EFCAB6: variants seen among roughly 807,000 people sequenced by gnomAD.
EFCAB6 encodes EF-hand calcium-binding domain-containing protein 6.
A neutral mutation model predicts 169.8 loss-of-function variants in EFCAB6; 156 were observed. The observed-to-expected ratio is 0.92, with a 90% CI of 0.81 to 1.05. EFCAB6 has a LOEUF of 1.05. Among genes scored for constraint, EFCAB6 ranks in the 50% least tolerant of loss-of-function variants. EFCAB6 has a pLI of 0.00. For missense variants in EFCAB6, 1,800 were observed against 1,829.1 expected (o/e 0.98, Z 0.29); for synonymous variants, 698 against 676.4 (o/e 1.03, Z -0.50).
At chr22:43,692,124 G>A (rs1285381534) in intron 10 of EFCAB6, among the ~76,000 whole-genome samples, 1 of 152,126 alleles carries the variant, frequency 6.6e-6, no homozygotes, top group Non-Finnish European at 1.5e-5. Context: ...ATTCTTACTG[G>A]CTCCTGAACC....
intron 26 of EFCAB6, 128 bp from the exon 27 acceptor site, chr22:43,555,224 A>G: frequency 1.0e-6 from 1 of 965,768 alleles, no homozygotes; most frequent in South Asian, 1.6e-5. Flanking sequence ...GAAGACAGCT[A>G]CAGCCTGGAG....
Position 43,703,152 on chromosome 22 carries a change from A to C in EFCAB6, c.1031+8323T>G, listed in dbSNP as rs562918561. ...GCAGTACCACATGGCCAGGAAATCT[A>C]CTCTGTGGCCCAGCCCAATATAAGG... On this transcript the variant is annotated intron_variant, in intron 10 of 31. Coordinates refer to ENST00000262726, the MANE Select transcript of EFCAB6 (RefSeq NM_022785.4). Among the ~76,000 whole-genome samples, 6 of 151,934 alleles carry C rather than the reference A, an allele frequency of 3.9e-5. No individual in the cohort carries two copies. The South Asian group carries it at 1.2e-3, about 32-fold the overall frequency.
chr22:43,782,281 G>A lies in EFCAB6; in HGVS notation c.38C>T (p.Ser13Leu), dbSNP rs200223719. The A allele has an allele frequency of 3.6e-5, 58 of 1,614,036 alleles. No individual in the cohort carries two copies. Among genetic ancestry groups the A allele is most frequent in the African/African-American group, 2.5e-4 (19 of 75,038 alleles). ...KMAIIPDWLR[S>L]HPHTRKFTHS... ...TGTAAATTTTCGTGTGTGAGGATGC[G>A]ACCTAAGCCAGTCTGGTATAATCGC... Residue 13 changes from serine to leucine, a missense_variant, in exon 3 of 32, where the codon TCG becomes TTG. Ser to Leu is a moderately radical substitution (Grantham distance 145). Transcript: ENST00000262726.
chr22:43,579,758 C>T (rs1415092585), intron 25 of EFCAB6, among the ~76,000 whole-genome samples: 1 of 151,688 alleles, frequency 6.6e-6, no homozygotes, highest in Non-Finnish European at 1.5e-5. Context: ...AGGCATCATT[C>T]CGTACACGCA....
chr22:43,758,272 G>T (rs374820835), intron 5 of EFCAB6, among the ~76,000 whole-genome samples: 7 of 152,170 alleles, frequency 4.6e-5, no homozygotes, highest in Admixed American at 6.5e-5. Flanking sequence ...ACAGAGGGGG[G>T]TAGGTCTATA....
chr22:43,631,977 A>G, intron 19 of EFCAB6, 128 bp downstream of exon 19: 2 of 1,347,808 alleles, frequency 1.5e-6, no homozygotes, highest in Non-Finnish European at 9.9e-7. Flanking sequence ...GGGTCTGCAG[A>G]GGGAAATGCT....
intron 30 of EFCAB6, among the ~76,000 whole-genome samples, chr22:43,531,286 T>C (rs2047050908): frequency 6.6e-6 from 1 of 152,162 alleles, no homozygotes. Context: ...GGAGGTAAAG[T>C]GACTTGGGCT....
chr22:43,740,257 A>C (rs1175030974), intron 6 of EFCAB6, among the ~76,000 whole-genome samples: 1 of 151,978 alleles, frequency 6.6e-6, no homozygotes, highest in South Asian at 2.1e-4. Context: ...TTCAAATGGC[A>C]TCACCTCCTT....
At chr22:43,532,935 C>T (rs1400292047) in intron 30 of EFCAB6, among the ~76,000 whole-genome samples, 1 of 152,198 alleles carries the variant, frequency 6.6e-6, no homozygotes, top group Non-Finnish European at 1.5e-5. Context: ...ATCGACAGCA[C>T]CAGATGTACT....
At chr22:43,549,578 G>A (rs2048266893) in intron 27 of EFCAB6, among the ~76,000 whole-genome samples, 1 of 152,148 alleles carries the variant, frequency 6.6e-6, no homozygotes, top group Non-Finnish European at 1.5e-5. Context: ...GGGCCTTGGT[G>A]GCTTTACAAG....
intron 10 of EFCAB6, among the ~76,000 whole-genome samples, chr22:43,705,520 C>T (rs977721747): frequency 2.0e-5 from 3 of 152,066 alleles, no homozygotes. Flanking sequence ...AATCATACCA[C>T]GTACCTTTTC....
At chr22:43,675,254 G>A (rs2147016132) in intron 13 of EFCAB6, among the ~76,000 whole-genome samples, 1 of 139,256 alleles carries the variant, frequency 7.2e-6, no homozygotes, top group South Asian at 2.2e-4. Context: ...TATATATTAT[G>A]TGTATATAAT....
chr22:43,682,884 C>T (rs557334403), intron 12 of EFCAB6, among the ~76,000 whole-genome samples: 6 of 152,190 alleles, frequency 3.9e-5, no homozygotes, highest in Non-Finnish European at 7.3e-5. Context: ...ACACTGTGCT[C>T]GGAAATCCCA....
intron 27 of EFCAB6, among the ~76,000 whole-genome samples, chr22:43,542,528 CA>C (rs2147085351): frequency 6.6e-6 from 1 of 152,256 alleles, no homozygotes; most frequent in Admixed American, 6.5e-5. Context: ...TGCAGTGAGC[CA>C]ATGTCGCACC....
In EFCAB6 at chr22:43,576,163, T is replaced by C. The variant is rs917728250; in HGVS notation, c.3420+134A>G. On this transcript the variant is annotated intron_variant, in intron 26 of 31. Transcript: ENST00000262726. The stretch of plus-strand genomic sequence containing the variant: ...ACTCTGTATATAATTTATACCAGTT[T>C]TTCATTTAGAATGAGCTAATTACAT... The C allele has an allele frequency of 2.3e-5, 15 of 648,662 alleles. No homozygotes were observed. The Admixed American group carries it at 4.1e-4, about 18-fold the overall frequency. 40.2% of individuals were successfully genotyped at this position (648,662 alleles called of 1,614,324 possible).
intron 26 of EFCAB6, among the ~76,000 whole-genome samples, chr22:43,563,989 A>G (rs2064308): frequency 0.75 from 114,791 of 152,200 alleles, 43,454 homozygotes; most frequent in Admixed American, 0.81. Flanking sequence ...TGAGGGCCCA[A>G]TGCCACCATC....
chr22:43,600,369 C>T, intron 22 of EFCAB6, 106 bp from the exon 23 acceptor site: 2 of 1,143,474 alleles, frequency 1.7e-6, no homozygotes, highest in Non-Finnish European at 2.5e-6. Context: ...GCTCGTCTTC[C>T]ATCCCTCACC....
intron 10 of EFCAB6, among the ~76,000 whole-genome samples, chr22:43,710,768 T>G (rs1011674991): frequency 6.6e-6 from 1 of 151,838 alleles, no homozygotes. Flanking sequence ...CCACCACCTA[T>G]GAAGTATTTT....
chr22:43,754,034 T>C (rs2060867398), intron 6 of EFCAB6, among the ~76,000 whole-genome samples: 1 of 152,160 alleles, frequency 6.6e-6, no homozygotes. Context: ...AGAGTCTTCA[T>C]TAGAAGCATG....
Sources: gnomAD v4.1 joint callset for allele counts (sites outside exome capture counted in the v4.1 genomes callset) on GRCh38, gnomAD v4.1.1 for gene constraint, MANE v1.5 for transcripts, NCBI Gene and HGNC (gene_info 2026-07-23, HGNC 2026-07-21) for gene names.